The following GLI2 variants were observed in gnomAD, a reference collection of about 807,000 sequenced individuals.
GLI2 encodes transcription activator GLI2.
In GLI2, 22 loss-of-function variants were observed where a neutral mutation model predicts 78.9. The observed-to-expected ratio is 0.28, with a 90% confidence interval of 0.20 to 0.40. The LOEUF is 0.40. Ranked by LOEUF, GLI2 falls within the 10% of genes least tolerant of loss-of-function variation. The pLI is 1.00. For synonymous variants in GLI2, 974 were observed against 963.7 expected (o/e 1.01, Z -0.20); for missense variants, 2,097 against 2,213.2 (o/e 0.95, Z 1.05).
chr2:120,827,077 T>G (rs946858554), intron 2 of GLI2, among the ~76,000 whole-genome samples: 1 of 152,208 alleles, frequency 6.6e-6, no homozygotes, highest in South Asian at 2.1e-4. Context: ...GCACTGCCCA[T>G]GCCAGTGGTT....
intron 2 of GLI2, among the ~76,000 whole-genome samples, chr2:120,801,990 A>G (rs4848121): frequency 0.52 from 79,100 of 152,140 alleles, 22,420 homozygotes; most frequent in South Asian, 0.7. Context: ...CTGCTACCCC[A>G]GGGTGAGTGT....
chr2:120,885,954 A>C (rs2592600), intron 2 of GLI2, among the ~76,000 whole-genome samples: 1 of 151,942 alleles, frequency 6.6e-6, no homozygotes, highest in Non-Finnish European at 1.5e-5. Flanking sequence ...TGAAAAAGGG[A>C]AGTAACTCCA....
intron 1 of GLI2, among the ~76,000 whole-genome samples, chr2:120,775,944 A>G (rs1039564951): frequency 2.6e-5 from 4 of 152,152 alleles, no homozygotes; most frequent in African/African-American, 4.8e-5. Context: ...GCGGCCCTGG[A>G]CCCCAGGCCT....
intron 2 of GLI2, among the ~76,000 whole-genome samples, chr2:120,894,676 C>T (rs1332021385): frequency 2.1e-5 from 3 of 145,308 alleles, no homozygotes; most frequent in African/African-American, 7.9e-5. Context: ...TTACCTCTTT[C>T]CTCCCATATG....
intron 1 of GLI2, among the ~76,000 whole-genome samples, chr2:120,775,898 C>T (rs957126388): frequency 2.0e-5 from 3 of 152,182 alleles, no homozygotes; most frequent in African/African-American, 7.2e-5. Context: ...AACAGCAGAC[C>T]CGGCCTTCCC....
Position 120,739,995 on chromosome 2 carries a change from G to T in GLI2, c.-31+3710G>T, listed in dbSNP as rs182919485. ...ATGTTTGAGAGTGTCCTTTGAAAAA[G>T]AGTGGCACCTTCAACACTTTTCTGG... On this transcript the variant is annotated intron_variant, in intron 1 of 13. Coordinates refer to ENST00000361492, the MANE Select transcript of GLI2 (RefSeq NM_001374353.1). 9.2e-5 allele frequency among the ~76,000 whole-genome samples: 14 copies of T among 152,278 alleles called. No individual in the cohort carries two copies. In the East Asian group the frequency reaches 2.1e-3, roughly 23 times the overall value.
intron 2 of GLI2, among the ~76,000 whole-genome samples, chr2:120,904,848 A>C (rs2104793347): frequency 6.6e-6 from 1 of 152,266 alleles, no homozygotes; most frequent in Non-Finnish European, 1.5e-5. Context: ...TGTCTCTCCC[A>C]ACTCTATTGG....
At chr2:120,983,291 G>C (rs1682803217) in intron 11 of GLI2, among the ~76,000 whole-genome samples, 1 of 152,106 alleles carries the variant, frequency 6.6e-6, no homozygotes. Flanking sequence ...GGTGGGCTCT[G>C]CCTCCCCATC....
At chr2:120,906,531 C>T (rs539330678) in intron 2 of GLI2, among the ~76,000 whole-genome samples, 119 of 152,252 alleles carry the variant, frequency 7.8e-4, no homozygotes, top group African/African-American at 2.8e-3. Context: ...CCAGCGCACT[C>T]CCTCTCTTTA....
intron 8 of GLI2, 127 bp from the exon 9 acceptor site, chr2:120,974,848 A>C (rs1682373179): frequency 7.8e-7 from 1 of 1,284,920 alleles, no homozygotes; most frequent in Non-Finnish European, 1.1e-6. Flanking sequence ...TGTAACACAC[A>C]CACTTGCATC....
intron 2 of GLI2, among the ~76,000 whole-genome samples, chr2:120,838,588 A>G (rs1686722660): frequency 1.3e-5 from 2 of 152,222 alleles, no homozygotes; most frequent in African/African-American, 4.8e-5. Context: ...ACATTGTCTT[A>G]GTCCACTTTG....
At chr2:120,981,741 G>A (rs921335877) in intron 10 of GLI2, among the ~76,000 whole-genome samples, 1 of 152,152 alleles carries the variant, frequency 6.6e-6, no homozygotes, top group Non-Finnish European at 1.5e-5. Flanking sequence ...CTTTGGAATA[G>A]CTGCAGAGCT....
chr2:120,916,611 G>A (rs1301782563), intron 2 of GLI2, among the ~76,000 whole-genome samples: 1 of 152,252 alleles, frequency 6.6e-6, no homozygotes, highest in Admixed American at 6.5e-5. Flanking sequence ...ACTCCCTGTG[G>A]GCAGGAATTA....
chr2:120,881,506 G>C (rs982929525), intron 2 of GLI2, among the ~76,000 whole-genome samples: 23 of 140,068 alleles, frequency 1.6e-4, no homozygotes, highest in Non-Finnish European at 2.6e-4. Flanking sequence ...TGGGGAGAGG[G>C]CAGGTCAAGG....
rs74439026 is a variant in GLI2 at position 120,797,965 on chromosome 2, C to T, written c.148+497C>T. ...CTTAATTATAACAAAAGAGACTACACGAGCCACAGCCTCTCATTTTACTGC... is the reference window on the plus strand; with the variant it reads ...CTTAATTATAACAAAAGAGACTACATGAGCCACAGCCTCTCATTTTACTGC... On this transcript the variant is annotated intron_variant, in intron 2 of 13. Transcript: ENST00000361492. Among the ~76,000 whole-genome samples the T allele has an allele frequency of 1.8e-3, 273 of 152,196 alleles. 10 individuals carry two copies. In the East Asian group the frequency reaches 0.044, roughly 24 times the overall value.
At chr2:120,903,315 CACT>C (rs1295207677) in intron 2 of GLI2, among the ~76,000 whole-genome samples, 7 of 151,768 alleles carry the variant, frequency 4.6e-5, no homozygotes, top group Admixed American at 4.6e-4. Flanking sequence ...GAGATCACGC[CACT>C]ACACTCAGGC....
In GLI2 at chr2:120,797,373, G is replaced by A. The variant is rs762016048; in HGVS notation, c.53G>A (p.Gly18Glu). ...TCCGAGAAGCAAGAAGCCAAAAGTG[G>A]GATCCTGGAGGCCGCTGGCTTCCCC... The part of the protein sequence containing the change: ...TASEKQEAKS[G>E]ILEAAGFPDP... The change falls in exon 2 of 14, where the codon GGG (glycine) becomes GAG (glutamate). Residue 18 changes from glycine (G) to glutamate (E), a missense_variant. Gly to Glu is a moderately conservative substitution (Grantham distance 98). Around this residue, in one of 5 missense-constraint regions of GLI2, gnomAD observed 578 missense variants for 612.0 expected, o/e 0.94. Coordinates refer to ENST00000361492, the MANE Select transcript of GLI2 (RefSeq NM_001374353.1). The A allele has an allele frequency of 6.2e-7, 1 of 1,614,092 alleles. No homozygotes were observed. Among genetic ancestry groups the A allele is most frequent in the Non-Finnish European group, 8.5e-7 (1 of 1,179,974 alleles).
intron 2 of GLI2, among the ~76,000 whole-genome samples, chr2:120,894,087 C>T (rs956378152): frequency 6.6e-6 from 1 of 152,162 alleles, no homozygotes; most frequent in Non-Finnish European, 1.5e-5. Context: ...TGGGGACAGT[C>T]GGGTCCTCCT....
chr2:120,850,433 A>G (rs1687346736), intron 2 of GLI2, among the ~76,000 whole-genome samples: 1 of 152,202 alleles, frequency 6.6e-6, no homozygotes, highest in South Asian at 2.1e-4. Flanking sequence ...CTGGGAAATT[A>G]GCAATGAAAC....
Sources: gnomAD v4.1 joint callset for allele counts (sites outside exome capture counted in the v4.1 genomes callset) on GRCh38, gnomAD v4.1.1 for gene constraint, gnomAD v4.1.1 regional missense constraint, MANE v1.5 for transcripts, NCBI Gene and HGNC (gene_info 2026-07-23, HGNC 2026-07-21) for gene names.